CDH13: variants seen among roughly 807,000 people sequenced by gnomAD.
The protein encoded by CDH13 is cadherin-13.
In CDH13, 24 loss-of-function variants were observed where a neutral mutation model predicts 63.8. The ratio of observed to expected loss-of-function variants is 0.38; its 90% CI spans 0.27 to 0.53. CDH13 has a LOEUF of 0.53. CDH13 is among the 20% of genes least tolerant of loss of function. CDH13 has a pLI of 0.85. For missense variants in CDH13, 1,049 were observed against 903.1 expected, an observed-to-expected ratio of 1.16 and a Z score of -2.07; for synonymous variants, 503 against 355.3, an observed-to-expected ratio of 1.42 and a Z score of -4.67.
intron 8 of CDH13, among the ~76,000 whole-genome samples, chr16:83,657,713 G>T (rs1318931476): frequency 2.0e-5 from 3 of 152,180 alleles, no homozygotes; most frequent in Admixed American, 6.5e-5. Flanking sequence ...CTTGGCAAAG[G>T]TACTGCATTT....
chr16:83,128,284 G>C (rs1454771779), intron 4 of CDH13, among the ~76,000 whole-genome samples: 2 of 152,190 alleles, frequency 1.3e-5, no homozygotes, highest in African/African-American at 4.8e-5. Context: ...AGTCCTCCAA[G>C]AGTGGTTGTG....
At chr16:82,967,442 G>A (rs187812558) in intron 2 of CDH13, among the ~76,000 whole-genome samples, 7 of 152,236 alleles carry the variant, frequency 4.6e-5, no homozygotes, top group African/African-American at 7.2e-5. Context: ...ATTTGCGCCC[G>A]CTGAATCCTC....
At chr16:83,583,611 G>A (rs1358604774) in intron 7 of CDH13, among the ~76,000 whole-genome samples, 1 of 152,194 alleles carries the variant, frequency 6.6e-6, no homozygotes, top group Admixed American at 6.5e-5. Context: ...GAACCAGGAT[G>A]TGTGGGCATC....
At chr16:83,418,645 A>T (rs1330527399) in intron 6 of CDH13, among the ~76,000 whole-genome samples, 2 of 152,156 alleles carry the variant, frequency 1.3e-5, no homozygotes, top group Admixed American at 6.5e-5. Context: ...AAGTGTTGCT[A>T]GAACTTGGCC....
chr16:82,807,353 T>C (rs1197391640), intron 1 of CDH13, among the ~76,000 whole-genome samples: 6 of 152,188 alleles, frequency 3.9e-5, no homozygotes, highest in Non-Finnish European at 5.9e-5. Flanking sequence ...ATTTGTTGAC[T>C]GAAGAAATGA....
At chr16:83,028,373 T>A (rs1293022517) in intron 2 of CDH13, among the ~76,000 whole-genome samples, 2 of 152,182 alleles carry the variant, frequency 1.3e-5, no homozygotes, top group African/African-American at 4.8e-5. Flanking sequence ...CACTTGTGTG[T>A]CCATGCAAAG....
intron 2 of CDH13, among the ~76,000 whole-genome samples, chr16:83,021,889 C>G (rs912646469): frequency 4.6e-5 from 7 of 152,160 alleles, no homozygotes; most frequent in African/African-American, 1.7e-4. Context: ...TAGAAATAAT[C>G]AAGTCTGTAG....
chr16:83,593,420 G>A (rs1046710242), intron 7 of CDH13, among the ~76,000 whole-genome samples: 4 of 152,108 alleles, frequency 2.6e-5, no homozygotes, highest in African/African-American at 9.7e-5. Flanking sequence ...TTCCAACTAA[G>A]TGCTTTTGGA....
chr16:82,780,319 C>G (rs962862146), intron 1 of CDH13, among the ~76,000 whole-genome samples: 4 of 152,184 alleles, frequency 2.6e-5, no homozygotes, highest in Non-Finnish European at 5.9e-5. Flanking sequence ...AGAGTTTTCT[C>G]TCCTTGCCAA....
chr16:82,964,656 AAT>A (rs1052565309), intron 2 of CDH13, among the ~76,000 whole-genome samples: 1 of 152,256 alleles, frequency 6.6e-6, no homozygotes, highest in African/African-American at 2.4e-5. Context: ...GGACTGAGAA[AAT>A]ATATGTAAAG....
chr16:83,383,677 G>A (rs555857059), intron 6 of CDH13, among the ~76,000 whole-genome samples: 4 of 152,216 alleles, frequency 2.6e-5, no homozygotes, highest in South Asian at 4.1e-4. Flanking sequence ...TGCTTAAATT[G>A]TGTCATATTT....
chr16:82,977,453 G>C (rs937421911), intron 2 of CDH13, among the ~76,000 whole-genome samples: 2 of 152,190 alleles, frequency 1.3e-5, no homozygotes, highest in Non-Finnish European at 2.9e-5. Context: ...GAACCTAGTG[G>C]GAGGTAATTT....
intron 4 of CDH13, among the ~76,000 whole-genome samples, chr16:83,144,471 C>T (rs561651725): frequency 1.9e-4 from 29 of 152,336 alleles, no homozygotes; most frequent in Admixed American, 7.2e-4. Context: ...CATGGGAACA[C>T]ATGATCAGCA....
At chr16:82,699,653 T>A (rs1374886502) in intron 1 of CDH13, among the ~76,000 whole-genome samples, 1 of 152,228 alleles carries the variant, frequency 6.6e-6, no homozygotes, top group African/African-American at 2.4e-5. Flanking sequence ...TGAACCAAAA[T>A]GTAATCAGTA....
chr16:83,250,520 A>T (rs1905394952), intron 5 of CDH13, among the ~76,000 whole-genome samples: 1 of 152,188 alleles, frequency 6.6e-6, no homozygotes, highest in Non-Finnish European at 1.5e-5. Flanking sequence ...AAGGTGTTTG[A>T]GCAGAGAAGC....
chr16:83,784,366 T>G (rs1915736325), intron 13 of CDH13, among the ~76,000 whole-genome samples: 1 of 152,092 alleles, frequency 6.6e-6, no homozygotes, highest in African/African-American at 2.4e-5. Flanking sequence ...GCACGGTGGC[T>G]CACACCTATA....
chr16:83,029,917 G>A (rs72794190), intron 2 of CDH13, among the ~76,000 whole-genome samples: 5 of 152,344 alleles, frequency 3.3e-5, no homozygotes, highest in Non-Finnish European at 5.9e-5. Context: ...CAAAAAGCAC[G>A]TAGTACAATT....
intron 5 of CDH13, among the ~76,000 whole-genome samples, chr16:83,293,391 A>T (rs573915458): frequency 2.0e-5 from 3 of 152,318 alleles, no homozygotes; most frequent in African/African-American, 7.2e-5. Flanking sequence ...AAAAAGGTAC[A>T]TGAGGCAGCC....
intron 6 of CDH13, among the ~76,000 whole-genome samples, chr16:83,377,745 T>C (rs1045654632): frequency 1.2e-4 from 18 of 152,244 alleles, no homozygotes; most frequent in Admixed American, 8.5e-4. Context: ...CAGAAACCCA[T>C]GTTTTGGGAG....
Sources: gnomAD v4.1 joint callset for allele counts (sites outside exome capture counted in the v4.1 genomes callset) on GRCh38, gnomAD v4.1.1 for gene constraint, MANE v1.5 for transcripts, NCBI Gene and HGNC (gene_info 2026-07-23, HGNC 2026-07-21) for gene names.